SLC66A2: variants seen among roughly 807,000 people sequenced by gnomAD.
SLC66A2 encodes solute carrier family 66 member 2.
SLC66A2 carries 23 observed loss-of-function variants against 25.5 expected under a neutral mutation model. The ratio of observed to expected loss-of-function variants is 0.90; its 90% CI spans 0.65 to 1.28. The LOEUF is 1.28. SLC66A2 is among the 50% of genes most tolerant of loss of function. The pLI is 0.00. For synonymous variants in SLC66A2, 193 were observed against 166.5 expected (o/e 1.16, Z -1.23); for missense variants, 396 against 373.1 (o/e 1.06, Z -0.51).
intron 5 of SLC66A2, among the ~76,000 whole-genome samples, chr18:79,906,356 T>G (rs1982129391): frequency 6.6e-6 from 1 of 152,240 alleles, no homozygotes; most frequent in East Asian, 1.9e-4. Flanking sequence ...TTTTCTAAAA[T>G]CAGTATTTAA....
In SLC66A2 at chr18:79,917,501, G is replaced by A. The variant is rs1984347060; in HGVS notation, c.608+1683C>T. On this transcript the variant is annotated intron_variant, in intron 5 of 5. Coordinates refer to ENST00000397778, the MANE Select transcript of SLC66A2 (RefSeq NM_025078.5). The surrounding 1 kb of genome is among the most constrained non-coding windows in gnomAD (Gnocchi z 6.0). Reference sequence around the variant, plus strand: ...CCTCCCACAGATCTCCAGGTCGCAAGCTCGGCACGCGGGCACTGCCCACAG... The same window carrying A: ...CCTCCCACAGATCTCCAGGTCGCAAACTCGGCACGCGGGCACTGCCCACAG... Among the ~76,000 whole-genome samples the A allele has an allele frequency of 6.6e-6, 1 of 152,150 alleles. No homozygotes were observed. The highest frequency in any genetic ancestry group is 1.5e-5 in the Non-Finnish European group (1 of 68,010).
rs549649460 is a variant in SLC66A2, at chr18:79,946,158, T to C, written c.204-2696A>G. Among the ~76,000 whole-genome samples the C allele has an allele frequency of 2.0e-5, 3 of 152,256 alleles. No homozygotes were observed. The South Asian group carries it at 6.2e-4, about 32-fold the overall frequency. On this transcript the variant is annotated intron_variant, in intron 2 of 5. Coordinates refer to ENST00000397778, the MANE Select transcript of SLC66A2 (RefSeq NM_025078.5). ...AAAAATCAAATCTAGAGAAACTCGA[T>C]ATGCACAGTAAAGAATGAGGCCTTT...
intron 2 of SLC66A2, chr18:79,943,822 G>T (rs1381275956): frequency 6.5e-5 from 12 of 185,750 alleles, no homozygotes; most frequent in African/African-American, 1.6e-4. Flanking sequence ...CGCCCATGCC[G>T]CCTCTCCCAA....
intron 5 of SLC66A2, among the ~76,000 whole-genome samples, chr18:79,908,892 A>G (rs1027067344): frequency 1.3e-5 from 2 of 152,228 alleles, no homozygotes; most frequent in Non-Finnish European, 2.9e-5. Context: ...CTTCCCGTTC[A>G]TTCCAAGAAC....
rs9963291 is a variant in SLC66A2, at chr18:79,927,816, T to G, written c.391+6153A>C. Among the ~76,000 whole-genome samples, 1 of 152,172 alleles carries G rather than the reference T, an allele frequency of 6.6e-6. No homozygotes were observed. The highest frequency in any genetic ancestry group is 1.5e-5 in the Non-Finnish European group (1 of 68,034). ...CAAATCAAGCAACTGCCGAGACAGG[T>G]GTCCGCGTCCCAACCCAAGGCTGCC... On this transcript the variant is annotated intron_variant, in intron 4 of 5. Transcript: ENST00000397778. The surrounding 1 kb of genome is among the most constrained non-coding windows in gnomAD (Gnocchi z 6.2).
At chr18:79,926,627 G>A (rs140622486) in intron 4 of SLC66A2, among the ~76,000 whole-genome samples, 1 of 151,664 alleles carries the variant, frequency 6.6e-6, no homozygotes, top group East Asian at 1.9e-4. Context: ...GGGCCACACT[G>A]CTCAGGGACA....
intron 3 of SLC66A2, among the ~76,000 whole-genome samples, chr18:79,939,811 G>C (rs989270276): frequency 3.3e-5 from 5 of 152,188 alleles, no homozygotes; most frequent in Non-Finnish European, 7.3e-5. Context: ...GCAGAAGATG[G>C]TGTGGTGATT....
chr18:79,906,582 A>G (rs1982154780), intron 5 of SLC66A2, among the ~76,000 whole-genome samples: 1 of 152,234 alleles, frequency 6.6e-6, no homozygotes, highest in African/African-American at 2.4e-5. Context: ...ATTCATAGAA[A>G]ATACTTTGCA....
chr18:79,913,343 C>T (rs979318157), intron 5 of SLC66A2, among the ~76,000 whole-genome samples: 1 of 152,240 alleles, frequency 6.6e-6, no homozygotes, highest in East Asian at 1.9e-4. Context: ...ACCCACCTCA[C>T]CCTCCAATCC....
rs1288552573 is a variant in SLC66A2, at chr18:79,918,486, G to T, written c.608+698C>A. ...CCCCAGTGAGGAGCGGCACCGGGGG[G>T]TCCCCAGTGAGGAGCGGGCCTGGGG... On this transcript the variant is annotated intron_variant, in intron 5 of 5. Coordinates refer to ENST00000397778, the MANE Select transcript of SLC66A2 (RefSeq NM_025078.5). This position sits in a 1 kb window ranked among gnomAD's most constrained non-coding sequence, Gnocchi z 4.0. Among the ~76,000 whole-genome samples the T allele has an allele frequency of 1.3e-5, 2 of 151,532 alleles. No homozygotes were observed. Among genetic ancestry groups the T allele is most frequent in the African/African-American group, 2.4e-5 (1 of 41,202 alleles).
chr18:79,914,139 T>C (rs913341615), intron 5 of SLC66A2, among the ~76,000 whole-genome samples: 2 of 152,180 alleles, frequency 1.3e-5, no homozygotes, highest in African/African-American at 4.8e-5. Flanking sequence ...CTCCTAACCT[T>C]GTGATCCACC....
At position 79,919,352 on chromosome 18, in the gene SLC66A2, A is replaced by G. The variant is rs776569036; in HGVS notation, c.440T>C (p.Val147Ala). The change falls in exon 5 of 6, where the codon GTG (valine) becomes GCG (alanine). Residue 147 changes from valine to alanine, a missense_variant. By Grantham distance (64) the Val-to-Ala change is moderately conservative. Transcript: ENST00000397778. The part of the protein sequence containing the change: ...FWQWSSFSDY[V>A]QCVLAFTGVA... ...GCCCGTGAAGGCCAGGACGCACTGCACGTAGTCCGAGAAGCTGCTCCACTG... is the reference window on the plus strand; with the variant it reads ...GCCCGTGAAGGCCAGGACGCACTGCGCGTAGTCCGAGAAGCTGCTCCACTG... 1 of 1,613,130 alleles carries G rather than the reference A, an allele frequency of 6.2e-7. No individual in the cohort carries two copies. The highest frequency in any genetic ancestry group is 1.3e-5 in the African/African-American group (1 of 74,946).
Position 79,950,848 on chromosome 18 carries a change from AGAC to A in SLC66A2, c.76_78del (p.Val26del). On this transcript the variant is annotated inframe_deletion, in exon 2 of 6. Coordinates refer to ENST00000397778, the MANE Select transcript of SLC66A2 (RefSeq NM_025078.5). ...GGGACGTAGGGCACCACCCCTCCGA[AGAC>A]CATGGCCGCGGCCGCGCCCCAGGAC... is the stretch of plus-strand genomic sequence containing the variant. 1 of 1,611,554 alleles carries A rather than the reference AGAC, an allele frequency of 6.2e-7. No individual in the cohort carries two copies. The highest frequency in any genetic ancestry group is 1.1e-5 in the South Asian group (1 of 90,890).
chr18:79,926,732 G>A (rs1986002723), intron 4 of SLC66A2, among the ~76,000 whole-genome samples: 3 of 151,764 alleles, frequency 2.0e-5, no homozygotes, highest in African/African-American at 7.3e-5. Flanking sequence ...AGCACTCACA[G>A]TGATAGTTTT....
chr18:79,926,691 T>A lies in SLC66A2; in HGVS notation c.391+7278A>T, dbSNP rs1985997820. Among the ~76,000 whole-genome samples the A allele has an allele frequency of 2.0e-5, 3 of 151,982 alleles. No homozygotes were observed. In the South Asian group the frequency reaches 6.2e-4, roughly 32 times the overall value. On this transcript the variant is annotated intron_variant, in intron 4 of 5. Transcript: ENST00000397778. ...TTTTTTTCATGATTCTTGTATGAAT[T>A]CTAATTAAGAAACATTACATTCAGA... is the stretch of plus-strand genomic sequence containing the variant.
At chr18:79,943,520 C>A (rs185131484) in intron 2 of SLC66A2, 58 bp from the exon 3 acceptor site, 2 of 1,582,096 alleles carry the variant, frequency 1.3e-6, no homozygotes, top group Non-Finnish European at 1.7e-6. Context: ...CTCCCAGTCC[C>A]GAACCTGCAG....
At chr18:79,913,441 G>A (rs1397058280) in intron 5 of SLC66A2, among the ~76,000 whole-genome samples, 2 of 152,252 alleles carry the variant, frequency 1.3e-5, no homozygotes, top group Non-Finnish European at 2.9e-5. Flanking sequence ...GGAGCCTGCT[G>A]TGTTAATTAG....
chr18:79,906,675 A>G (rs1982169348), intron 5 of SLC66A2, among the ~76,000 whole-genome samples: 1 of 152,360 alleles, frequency 6.6e-6, no homozygotes, highest in African/African-American at 2.4e-5. Flanking sequence ...TCTGAAAAGA[A>G]TGCGCACGTT....
chr18:79,939,659 G>T (rs926250044), intron 3 of SLC66A2, among the ~76,000 whole-genome samples: 1 of 152,100 alleles, frequency 6.6e-6, no homozygotes, highest in African/African-American at 2.4e-5. Context: ...TTAGAGAAAC[G>T]CAAATCAAAA....
Sources: gnomAD v4.1 joint callset for allele counts (sites outside exome capture counted in the v4.1 genomes callset) on GRCh38, gnomAD v4.1.1 for gene constraint, Gnocchi (gnomAD v3.1) non-coding constraint, MANE v1.5 for transcripts, NCBI Gene and HGNC (gene_info 2026-07-23, HGNC 2026-07-21) for gene names.